The following MCU variants were observed in gnomAD, a reference collection of about 807,000 sequenced individuals.
MCU encodes calcium uniporter protein, mitochondrial.
In MCU, 12 loss-of-function variants were observed where a neutral mutation model predicts 45.2. That is an observed-to-expected ratio of 0.27 (90% confidence interval 0.17 to 0.43). The LOEUF is 0.43. MCU is among the 20% of genes least tolerant of loss of function. The pLI is 1.00. For synonymous variants in MCU, 160 were observed against 165.1 expected (o/e 0.97, Z 0.24); for missense variants, 324 against 436.7 (o/e 0.74, Z 2.30).
At chr10:72,866,059 G>A (rs1052516681) in intron 4 of MCU, among the ~76,000 whole-genome samples, 3 of 149,930 alleles carry the variant, frequency 2.0e-5, no homozygotes, top group African/African-American at 4.8e-5. Context: ...TTACAGGTGT[G>A]AGCCACCACG....
At chr10:72,840,086 A>G (rs1845026260) in intron 2 of MCU, among the ~76,000 whole-genome samples, 2 of 151,834 alleles carry the variant, frequency 1.3e-5, no homozygotes, top group African/African-American at 4.8e-5. Context: ...TATTGTAGGT[A>G]TATGCTTAAT....
Position 72,796,741 on chromosome 10 carries a change from A to G in MCU, c.151-37618A>G, listed in dbSNP as rs1340227180. Among the ~76,000 whole-genome samples the G allele has an allele frequency of 2.0e-5, 3 of 148,270 alleles. No individual in the cohort carries two copies. In the Admixed American group the frequency reaches 2.0e-4, roughly 10 times the overall value. ...TGGGGTCTTGCTATGTTGCCCAGAC[A>G]GGTCTCAAATTCCTGGCCTCAAGTG... On this transcript the variant is annotated intron_variant, in intron 1 of 7. Transcript: ENST00000373053.
chr10:72,782,315 CTT>C, intron 1 of MCU, among the ~76,000 whole-genome samples: 1 of 152,240 alleles, frequency 6.6e-6, no homozygotes, highest in East Asian at 1.9e-4. Context: ...TTCAAATACT[CTT>C]TTATTCTTTT....
At chr10:72,692,805 G>T in intron 1 of MCU, 1 of 1,413,946 alleles carries the variant, frequency 7.1e-7, no homozygotes, top group African/African-American at 1.4e-5. Context: ...CCCCGGCGGG[G>T]CCGCCCCTCG....
intron 1 of MCU, among the ~76,000 whole-genome samples, chr10:72,825,639 G>C (rs1157160829): frequency 6.9e-6 from 1 of 145,580 alleles, no homozygotes; most frequent in Non-Finnish European, 1.5e-5. Flanking sequence ...AAAACAAAGA[G>C]GTTGATTTTT....
chr10:72,840,209 A>G (rs888577379), intron 2 of MCU, among the ~76,000 whole-genome samples: 3 of 152,216 alleles, frequency 2.0e-5, no homozygotes, highest in Admixed American at 6.5e-5. Flanking sequence ...GGTACAATCA[A>G]TCTTGATTAT....
rs556730023 is a variant in MCU at position 72,878,917 on chromosome 10, G to T, written c.862-5349G>T. 7.2e-5 allele frequency among the ~76,000 whole-genome samples: 11 copies of T among 152,270 alleles called. 1 individual carries two copies. In the South Asian group the frequency reaches 2.3e-3, roughly 32 times the overall value. On this transcript the variant is annotated intron_variant, in intron 6 of 7. Transcript: ENST00000373053. ...ATGGCTGAGAATTTTCCAAAATGAT[G>T]AAAGACATCCATTTACAGATTTAAG...
chr10:72,723,643 T>G (rs1289748229), intron 1 of MCU, among the ~76,000 whole-genome samples: 2 of 152,224 alleles, frequency 1.3e-5, no homozygotes, highest in Non-Finnish European at 2.9e-5. Context: ...TGCTCAGCAT[T>G]ATACCAAATA....
chr10:72,829,114 A>C (rs181917708), intron 1 of MCU, among the ~76,000 whole-genome samples: 1 of 152,164 alleles, frequency 6.6e-6, no homozygotes, highest in Non-Finnish European at 1.5e-5. Flanking sequence ...TGAGTTCAGG[A>C]GTTCGAGACC....
chr10:72,785,409 G>C (rs1219423987), intron 1 of MCU, among the ~76,000 whole-genome samples: 2 of 152,130 alleles, frequency 1.3e-5, no homozygotes, highest in African/African-American at 4.8e-5. Context: ...ACACATTTTA[G>C]AGTTTTCAAA....
At chr10:72,790,555 A>G (rs996560871) in intron 1 of MCU, among the ~76,000 whole-genome samples, 11 of 152,330 alleles carry the variant, frequency 7.2e-5, no homozygotes, top group African/African-American at 9.6e-5. Flanking sequence ...TTTGAATTCT[A>G]TTATCTTGTG....
chr10:72,700,810 G>T (rs1008940085), intron 1 of MCU, among the ~76,000 whole-genome samples: 2 of 152,076 alleles, frequency 1.3e-5, no homozygotes, highest in South Asian at 2.1e-4. Context: ...AGAAGAGTGG[G>T]TATTAATTTT....
At position 72,885,886 on chromosome 10, in the gene MCU, G is replaced by A; in HGVS notation, c.*64G>A. The A allele has an allele frequency of 1.5e-6, 2 of 1,345,570 alleles. No homozygotes were observed. The highest frequency in any genetic ancestry group is 2.1e-6 in the Non-Finnish European group (2 of 940,366). 83.4% of individuals were successfully genotyped at this position (1,345,570 alleles called of 1,614,324 possible). ...TGTTTGCCTTTTTAATTAAAGCATTGCAGGTGGAAGCTGGGAGCCATGTGG... is the reference window on the plus strand; with the variant it reads ...TGTTTGCCTTTTTAATTAAAGCATTACAGGTGGAAGCTGGGAGCCATGTGG... On this transcript the variant is annotated 3_prime_UTR_variant, in exon 8 of 8. Coordinates refer to ENST00000373053, the MANE Select transcript of MCU (RefSeq NM_138357.3).
At chr10:72,799,488 AT>A (rs1202071479) in intron 1 of MCU, among the ~76,000 whole-genome samples, 264 of 145,056 alleles carry the variant, frequency 1.8e-3, no homozygotes, top group East Asian at 9.8e-3. Flanking sequence ...AATATATAAC[AT>A]TTTTTTTTTT....
chr10:72,860,457 C>T lies in MCU; in HGVS notation c.426C>T (p.Asp142=), dbSNP rs1307556805. ...GCGTTGCTGCTTCAACAGGAATAGACCTCCTCCTCCTTGATGACTTTAAGC... is the reference window on the plus strand; with the variant it reads ...GCGTTGCTGCTTCAACAGGAATAGATCTCCTCCTCCTTGATGACTTTAAGC... The part of the protein sequence containing the change: ...GVRVAASTGI[D]LLLLDDFKLV... The change falls in exon 4 of 8, where the codon GAC becomes GAT. Residue 142 remains aspartate (D), a synonymous_variant. Coordinates refer to ENST00000373053, the MANE Select transcript of MCU (RefSeq NM_138357.3). 4 of 1,613,584 alleles carry T rather than the reference C, an allele frequency of 2.5e-6. No individual in the cohort carries two copies. The highest frequency in any genetic ancestry group is 1.7e-5 in the Admixed American group (1 of 60,008).
intron 1 of MCU, among the ~76,000 whole-genome samples, chr10:72,775,661 C>T (rs186028593): frequency 6.6e-6 from 1 of 151,850 alleles, no homozygotes; most frequent in Non-Finnish European, 1.5e-5. Flanking sequence ...AGAGAAGACC[C>T]AAATAAAATA....
At chr10:72,776,398 A>G (rs772025489) in intron 1 of MCU, among the ~76,000 whole-genome samples, 3 of 152,228 alleles carry the variant, frequency 2.0e-5, no homozygotes, top group Non-Finnish European at 4.4e-5. Flanking sequence ...TTCCAGTGAT[A>G]TAAGAGAATG....
intron 6 of MCU, among the ~76,000 whole-genome samples, chr10:72,880,358 T>C (rs1845681458): frequency 6.6e-6 from 1 of 152,124 alleles, no homozygotes; most frequent in South Asian, 2.1e-4. Context: ...ACAAGATCAA[T>C]GTATGTAAAT....
intron 1 of MCU, among the ~76,000 whole-genome samples, chr10:72,701,245 G>A (rs970475264): frequency 2.6e-5 from 4 of 152,190 alleles, no homozygotes; most frequent in Non-Finnish European, 5.9e-5. Context: ...TCTAAGACCT[G>A]AGGACATTGT....
Sources: allele counts gnomAD v4.1 joint callset (sites outside exome capture counted in the v4.1 genomes callset), GRCh38; gene constraint gnomAD v4.1.1; transcripts MANE v1.5; gene names NCBI Gene and HGNC (gene_info 2026-07-23, HGNC 2026-07-21).